The following TMTC1 variants were observed in gnomAD, a reference collection of about 807,000 sequenced individuals.
TMTC1 encodes the protein transmembrane O-mannosyltransferase targeting cadherins 1.
Under a neutral mutation model 104.8 loss-of-function variants are expected in TMTC1, and 73 were observed. The observed-to-expected ratio is 0.70, with a 90% CI of 0.58 to 0.85. TMTC1 has a LOEUF of 0.85. Among genes scored for constraint, TMTC1 ranks in the 40% least tolerant of loss-of-function variants. The pLI is 0.00. For synonymous variants in TMTC1, 434 were observed against 428.7 expected, an observed-to-expected ratio of 1.01 and a Z score of -0.15; for missense variants, 1,035 against 1,096.1, an observed-to-expected ratio of 0.94 and a Z score of 0.79.
chr12:29,761,090 T>C (rs1943338149), intron 2 of TMTC1, among the ~76,000 whole-genome samples: 2 of 148,142 alleles, frequency 1.4e-5, no homozygotes, highest in African/African-American at 4.9e-5. Flanking sequence ...TTATAGAATA[T>C]ATTAAACCAT....
At chr12:29,753,199 A>G (rs1409684129) in intron 4 of TMTC1, among the ~76,000 whole-genome samples, 1 of 152,216 alleles carries the variant, frequency 6.6e-6, no homozygotes, top group Non-Finnish European at 1.5e-5. Context: ...TTAGCAGATA[A>G]AGTAGGGACT....
chr12:29,566,473 G>A (rs1158084451), intron 9 of TMTC1, among the ~76,000 whole-genome samples: 1 of 152,152 alleles, frequency 6.6e-6, no homozygotes, highest in Non-Finnish European at 1.5e-5. Context: ...AGCGGGGCTG[G>A]TCTTGAACTC....
rs1193323228 is a variant in TMTC1 at position 29,709,946 on chromosome 12, A to C, written c.938+41720T>G. ...ATCGCAGAACATGAGTCTCACCATC[A>C]TTTGAGAGAAAATAAAGCCGAGAGA... On this transcript the variant is annotated intron_variant, in intron 5 of 17. Coordinates refer to ENST00000539277, the MANE Select transcript of TMTC1 (RefSeq NM_001193451.2). 2.0e-5 allele frequency among the ~76,000 whole-genome samples: 3 copies of C among 152,150 alleles called. No individual in the cohort carries two copies. The East Asian group carries it at 5.8e-4, about 29-fold the overall frequency.
chr12:29,635,717 C>G (rs1861263299), intron 5 of TMTC1, among the ~76,000 whole-genome samples: 1 of 152,170 alleles, frequency 6.6e-6, no homozygotes, highest in Admixed American at 6.5e-5. Context: ...AGTCCTAAAT[C>G]TAATTATCAG....
At chr12:29,555,197 G>C (rs1945208634) in intron 10 of TMTC1, among the ~76,000 whole-genome samples, 3 of 132,146 alleles carry the variant, frequency 2.3e-5, no homozygotes. Flanking sequence ...GAGTACAGTG[G>C]CATGATCTCA....
intron 5 of TMTC1, among the ~76,000 whole-genome samples, chr12:29,686,429 G>A (rs1288479259): frequency 6.6e-6 from 1 of 152,220 alleles, no homozygotes; most frequent in Non-Finnish European, 1.5e-5. Flanking sequence ...ATAACATGAA[G>A]AGGGAGTGAG....
At chr12:29,507,528 T>A (rs1225031140) in intron 17 of TMTC1, among the ~76,000 whole-genome samples, 4 of 152,244 alleles carry the variant, frequency 2.6e-5, no homozygotes, top group African/African-American at 9.6e-5. Flanking sequence ...AAAGACTTGA[T>A]AAGAATGTGA....
At chr12:29,521,937 AAATT>A (rs1417586475) in intron 11 of TMTC1, among the ~76,000 whole-genome samples, 3 of 152,250 alleles carry the variant, frequency 2.0e-5, no homozygotes, top group South Asian at 2.1e-4. Context: ...ACAGAAGGTG[AAATT>A]AATTAATCAA....
chr12:29,645,112 T>C (rs1353680481), intron 5 of TMTC1, among the ~76,000 whole-genome samples: 1 of 152,198 alleles, frequency 6.6e-6, no homozygotes, highest in Non-Finnish European at 1.5e-5. Flanking sequence ...AATAAATGGA[T>C]TCTATGGGTT....
At chr12:29,763,375 A>AG (rs1396379256) in intron 2 of TMTC1, among the ~76,000 whole-genome samples, 1 of 152,192 alleles carries the variant, frequency 6.6e-6, no homozygotes, top group Non-Finnish European at 1.5e-5. Flanking sequence ...ATATCTAAAA[A>AG]CAGGTGCTAT....
At chr12:29,600,746 C>T (rs1946542697) in intron 7 of TMTC1, among the ~76,000 whole-genome samples, 1 of 152,166 alleles carries the variant, frequency 6.6e-6, no homozygotes, top group South Asian at 2.1e-4. Flanking sequence ...AAAGCACCTC[C>T]ACCCTCTGCT....
At chr12:29,734,556 G>A (rs1410813055) in intron 5 of TMTC1, among the ~76,000 whole-genome samples, 1 of 152,138 alleles carries the variant, frequency 6.6e-6, no homozygotes, top group Non-Finnish European at 1.5e-5. Context: ...CCAAACGGAG[G>A]ATGCCTATAT....
chr12:29,563,483 G>T (rs561194154), intron 9 of TMTC1, among the ~76,000 whole-genome samples: 11 of 152,108 alleles, frequency 7.2e-5, no homozygotes, highest in Admixed American at 1.3e-4. Flanking sequence ...CATGAGGAGT[G>T]GGGAGGAGAG....
chr12:29,743,824 G>A (rs536804399), intron 5 of TMTC1, among the ~76,000 whole-genome samples: 1 of 152,158 alleles, frequency 6.6e-6, no homozygotes, highest in Non-Finnish European at 1.5e-5. Flanking sequence ...AAATTAAACT[G>A]GTTGATAGTA....
chr12:29,526,805 C>T (rs1023517238), intron 11 of TMTC1, among the ~76,000 whole-genome samples: 2 of 151,728 alleles, frequency 1.3e-5, no homozygotes, highest in Admixed American at 6.6e-5. Context: ...TGTTTTTTTT[C>T]TCCTGTGGCC....
rs369881068 is a variant in TMTC1, at chr12:29,583,514, T to A, written c.1311A>T (p.Arg437=). 32 of 1,613,802 alleles carry A rather than the reference T, an allele frequency of 2.0e-5. No homozygotes were observed. In the African/African-American group the frequency reaches 3.5e-4, roughly 17 times the overall value. Residue 437 remains arginine (R), a synonymous_variant, in exon 8 of 18, where the codon CGA becomes CGT. Transcript: ENST00000539277. ...ACACAATCAGGGTGGTGGCCCCACA[T>A]CGATTCAGCCAAGTGCAGAGCTTGC... The part of the protein sequence containing the change: ...GLSKLCTWLN[R]CGATTLIVST...
intron 5 of TMTC1, among the ~76,000 whole-genome samples, chr12:29,651,054 C>T (rs763353988): frequency 6.6e-6 from 1 of 152,192 alleles, no homozygotes; most frequent in East Asian, 1.9e-4. Flanking sequence ...CTACGCTTTC[C>T]AGCCCCTTTG....
chr12:29,538,815 C>G (rs900398480), intron 10 of TMTC1, among the ~76,000 whole-genome samples: 1 of 152,170 alleles, frequency 6.6e-6, no homozygotes, highest in South Asian at 2.1e-4. Flanking sequence ...AGAAAAACAC[C>G]TCATCATGTA....
intron 5 of TMTC1, among the ~76,000 whole-genome samples, chr12:29,688,277 A>C (rs997936890): frequency 6.6e-6 from 1 of 152,190 alleles, no homozygotes; most frequent in Non-Finnish European, 1.5e-5. Context: ...CTCTCTAAAT[A>C]TCTAAAAAAC....
Sources: allele counts gnomAD v4.1 joint callset (sites outside exome capture counted in the v4.1 genomes callset), GRCh38; gene constraint gnomAD v4.1.1; transcripts MANE v1.5; gene names NCBI Gene and HGNC (gene_info 2026-07-23, HGNC 2026-07-21).